ANKRD31: variants seen among roughly 807,000 people sequenced by gnomAD.
ANKRD31 encodes the protein ankyrin repeat domain-containing protein 31.
Under a neutral mutation model 186.0 loss-of-function variants are expected in ANKRD31, and 147 were observed. That is an observed-to-expected ratio of 0.79 (90% CI 0.69 to 0.91). The LOEUF is 0.91. ANKRD31 is among the 40% of genes least tolerant of loss of function. The pLI is 0.00. For synonymous variants in ANKRD31, 673 were observed against 736.4 expected, an observed-to-expected ratio of 0.91 and a Z score of 1.39; for missense variants, 1,986 against 2,148.8, an observed-to-expected ratio of 0.92 and a Z score of 1.50.
Position 75,104,450 on chromosome 5 carries a change from A to T in ANKRD31, c.5109T>A (p.Asp1703Glu). The T allele has an allele frequency of 6.5e-7, 1 of 1,537,258 alleles. No individual in the cohort carries two copies. The highest frequency in any genetic ancestry group is 1.2e-5 in the South Asian group (1 of 84,064). ...GATATGGTTTCATCTGATGCACTGTATCACTGCCTAAGACAGCAATCCCTT... is the reference window on the plus strand; with the variant it reads ...GATATGGTTTCATCTGATGCACTGTTTCACTGCCTAAGACAGCAATCCCTT... ...AHQGIAVLGS[D>E]TVHQMKPYLK... The change falls in exon 22 of 26, where the codon GAT (aspartate) becomes GAA (glutamate). Residue 1703 changes from aspartate (D) to glutamate (E), a missense_variant. Coordinates refer to ENST00000506364, the MANE Select transcript of ANKRD31 (RefSeq NM_001372053.1).
chr5:75,194,853 C>G (rs1162344087), intron 7 of ANKRD31, among the ~76,000 whole-genome samples: 2 of 152,024 alleles, frequency 1.3e-5, no homozygotes, highest in African/African-American at 4.8e-5. Context: ...ATACACCAAA[C>G]TGTTAACAGT....
chr5:75,133,756 T>A (rs5955933), intron 17 of ANKRD31, among the ~76,000 whole-genome samples: 4 of 152,152 alleles, frequency 2.6e-5, no homozygotes, highest in Admixed American at 6.5e-5. Flanking sequence ...ATTGACCACA[T>A]AGTTGGAAGT....
intron 3 of ANKRD31, among the ~76,000 whole-genome samples, chr5:75,219,973 G>A (rs115253100): frequency 0.015 from 2,289 of 152,066 alleles, 69 homozygotes; most frequent in African/African-American, 0.052. Context: ...TTCTTATACC[G>A]TATATAAAAA....
At chr5:75,077,506 G>T (rs2150006538) in intron 25 of ANKRD31, among the ~76,000 whole-genome samples, 1 of 152,108 alleles carries the variant, frequency 6.6e-6, no homozygotes. Context: ...TTTGGGGGGG[G>T]AATTAAAATC....
rs1751541998 is a variant in ANKRD31 at position 75,147,382 on chromosome 5, CTTCT to C, written c.2025_2028del (p.Glu676MetfsTer52). ...TCTTTTTGGTAATATTCATATACATCTTCTTTATTTATAAATAAACTCGCTTTGC... is the reference window on the plus strand; with the variant it reads ...TCTTTTTGGTAATATTCATATACATCTTATTTATAAATAAACTCGCTTTGC... On this transcript the variant is annotated frameshift_variant, in exon 14 of 26. Coordinates refer to ENST00000506364, the MANE Select transcript of ANKRD31 (RefSeq NM_001372053.1). LOFTEE classifies it high-confidence loss of function. The C allele has an allele frequency of 1.3e-6, 2 of 1,526,568 alleles. No homozygotes were observed. Among genetic ancestry groups the C allele is most frequent in the South Asian group, 2.4e-5 (2 of 81,922 alleles). 94.6% of individuals were successfully genotyped at this position (1,526,568 alleles called of 1,614,324 possible). A position where few individuals can be genotyped will look rare whatever the true frequency, so the allele number is the denominator to read the frequency against.
At chr5:75,137,585 A>G (rs1232711184) in intron 17 of ANKRD31, among the ~76,000 whole-genome samples, 1 of 152,170 alleles carries the variant, frequency 6.6e-6, no homozygotes, top group Non-Finnish European at 1.5e-5. Flanking sequence ...TTAAAAATAT[A>G]ATGTATTAGA....
intron 4 of ANKRD31, among the ~76,000 whole-genome samples, chr5:75,207,404 T>G (rs1406248064): frequency 6.6e-6 from 1 of 152,174 alleles, no homozygotes; most frequent in Non-Finnish European, 1.5e-5. Context: ...ATTTTTTCCC[T>G]TAATTGCAAG....
intron 2 of ANKRD31, among the ~76,000 whole-genome samples, chr5:75,226,046 G>A (rs1467010289): frequency 1.2e-4 from 19 of 152,328 alleles, no homozygotes. Flanking sequence ...GCCTATGGTA[G>A]TGATGGCCAT....
chr5:75,194,419 AATT>A (rs1755320379), intron 7 of ANKRD31, among the ~76,000 whole-genome samples: 2 of 152,084 alleles, frequency 1.3e-5, no homozygotes, highest in Non-Finnish European at 2.9e-5. Context: ...CTATCTCCAT[AATT>A]AGTTTCTCTT....
intron 3 of ANKRD31, among the ~76,000 whole-genome samples, chr5:75,215,863 T>C (rs749572003): frequency 3.9e-5 from 6 of 152,074 alleles, no homozygotes; most frequent in Non-Finnish European, 4.4e-5. Context: ...CATATCTCAA[T>C]TTCTTTATCT....
chr5:75,222,204 T>C, intron 3 of ANKRD31, 45 bp downstream of exon 3: 6 of 1,377,350 alleles, frequency 4.4e-6, no homozygotes, highest in African/African-American at 1.5e-5. Flanking sequence ...AGCGATAGCA[T>C]TTCCAATTTT....
intron 5 of ANKRD31, among the ~76,000 whole-genome samples, chr5:75,203,477 A>C (rs1755944718): frequency 6.6e-6 from 1 of 151,980 alleles, no homozygotes; most frequent in African/African-American, 2.4e-5. Context: ...TAGCCTAGCC[A>C]ACATGGTGAA....
intron 10 of ANKRD31, among the ~76,000 whole-genome samples, chr5:75,178,188 C>T (rs1753974196): frequency 6.6e-6 from 1 of 152,188 alleles, no homozygotes; most frequent in African/African-American, 2.4e-5. Flanking sequence ...AGCTAACTGT[C>T]CTAAATATAT....
rs576860352 is a variant in ANKRD31 at position 75,130,713 on chromosome 5, C to T, written c.3876+7143G>A. On this transcript the variant is annotated intron_variant, in intron 17 of 25. Transcript: ENST00000506364. ...AGTGCTGATTGGTGCATTTACAAAC[C>T]TTTAGCTAGACAGAAAAGTTCTCCG... 2.0e-5 allele frequency among the ~76,000 whole-genome samples: 3 copies of T among 152,282 alleles called. No homozygotes were observed. In the South Asian group the frequency reaches 6.2e-4, roughly 32 times the overall value.
chr5:75,147,298 A>G lies in ANKRD31; in HGVS notation c.2113T>C (p.Tyr705His). ...KHKQSTLDQI[Y>H]STGLRKGNLH... ...TTGCCCTTTCTGAGTCCTGTAGAGT[A>G]TATCTGGTCAAGAGTTGATTGTTTA... The change falls in exon 14 of 26, where the codon TAC becomes CAC. Residue 705 changes from tyrosine to histidine, a missense_variant. By Grantham distance (83) the Tyr-to-His change is moderately conservative (BLOSUM62 2). Coordinates refer to ENST00000506364, the MANE Select transcript of ANKRD31 (RefSeq NM_001372053.1). 1 of 1,535,172 alleles carries G rather than the reference A, an allele frequency of 6.5e-7. No homozygotes were observed. Among genetic ancestry groups the G allele is most frequent in the Non-Finnish European group, 8.7e-7 (1 of 1,145,960 alleles).
At chr5:75,077,282 G>A (rs1209430236) in intron 25 of ANKRD31, among the ~76,000 whole-genome samples, 4 of 152,020 alleles carry the variant, frequency 2.6e-5, no homozygotes, top group Non-Finnish European at 4.4e-5. Context: ...TGTTGTCCAG[G>A]CTGGTCTCAA....
intron 17 of ANKRD31, among the ~76,000 whole-genome samples, chr5:75,134,489 CAAT>C (rs1750383849): frequency 6.6e-6 from 1 of 152,106 alleles, no homozygotes. Flanking sequence ...CTGAATGGAC[CAAT>C]AACAGGCTCT....
In ANKRD31 at chr5:75,140,198, C is replaced by T. The variant is rs554646163; in HGVS notation, c.3596-1215G>A. On this transcript the variant is annotated intron_variant, in intron 15 of 25. Coordinates refer to ENST00000506364, the MANE Select transcript of ANKRD31 (RefSeq NM_001372053.1). ...CAGCCTGGGCAACAGAGATACACTC[C>T]GTCTCAAAAAAAAGAAAAGAAAAGA... Among the ~76,000 whole-genome samples, 9 of 144,176 alleles carry T rather than the reference C, an allele frequency of 6.2e-5. No homozygotes were observed. In the South Asian group the frequency reaches 1.1e-3, roughly 18 times the overall value. 94.6% of individuals were successfully genotyped at this position (144,176 alleles called of 152,430 possible). A position where few individuals can be genotyped will look rare whatever the true frequency, so the allele number is the denominator to read the frequency against.
intron 24 of ANKRD31, among the ~76,000 whole-genome samples, chr5:75,082,101 T>C (rs774300421): frequency 1.3e-5 from 2 of 152,230 alleles, no homozygotes; most frequent in Non-Finnish European, 2.9e-5. Flanking sequence ...GTTATTAATA[T>C]TACCAGTTAT....
Sources: allele counts gnomAD v4.1 joint callset (sites outside exome capture counted in the v4.1 genomes callset), GRCh38; gene constraint gnomAD v4.1.1; transcripts MANE v1.5; gene names NCBI Gene and HGNC (gene_info 2026-07-23, HGNC 2026-07-21).